The following ZNF705G variants were observed in gnomAD, a reference collection of about 807,000 sequenced individuals.
ZNF705G encodes the protein zinc finger protein 705G.
A neutral mutation model predicts 19.6 loss-of-function variants in ZNF705G; 23 were observed. The observed-to-expected ratio is 1.17, with a 90% CI of 0.84 to 1.66. The LOEUF is 1.66. Among genes scored for constraint, ZNF705G ranks in the 40% most tolerant of loss-of-function variants. ZNF705G has a pLI of 0.00. For synonymous variants in ZNF705G, 146 were observed against 117.7 expected (o/e 1.24, Z -1.56); for missense variants, 457 against 354.4 (o/e 1.29, Z -2.32).
chr8:7,384,229 A>G (rs1215738415), intron 1 of ZNF705G, among the ~76,000 whole-genome samples: 1 of 141,222 alleles, frequency 7.1e-6, no homozygotes, highest in Non-Finnish European at 1.5e-5. Context: ...TCAACCTTTC[A>G]AAGCTCCAGT....
intron 4 of ZNF705G, among the ~76,000 whole-genome samples, chr8:7,360,591 A>T (rs1399941216): frequency 6.7e-6 from 1 of 149,480 alleles, no homozygotes; most frequent in African/African-American, 2.6e-5. Context: ...CCTAAGTTCC[A>T]AGACGCAATG....
intron 1 of ZNF705G, among the ~76,000 whole-genome samples, chr8:7,382,746 T>G (rs1432518544): frequency 6.8e-6 from 1 of 146,778 alleles, no homozygotes; most frequent in African/African-American, 2.8e-5. Context: ...TTTCAAGATC[T>G]GAAAGTGCTA....
At chr8:7,381,026 C>CAACAAAAAAAA (rs1807473032) in intron 2 of ZNF705G, among the ~76,000 whole-genome samples, 1 of 12,318 alleles carries the variant, frequency 8.1e-5, no homozygotes, top group Non-Finnish European at 1.2e-4. Context: ...AAACCACCAC[C>CAACAAAAAAAA]AAAAAAAAAA....
chr8:7,362,428 G>A (rs1212891739), intron 3 of ZNF705G, among the ~76,000 whole-genome samples: 2 of 149,378 alleles, frequency 1.3e-5, no homozygotes, highest in Non-Finnish European at 2.9e-5. Context: ...CTATCACACT[G>A]GATTTATTGA....
intron 2 of ZNF705G, among the ~76,000 whole-genome samples, chr8:7,366,796 G>C (rs1198859830): frequency 2.0e-5 from 3 of 149,486 alleles, no homozygotes; most frequent in African/African-American, 5.1e-5. Flanking sequence ...CACACAAATA[G>C]AATTTAAAAA....
Position 7,360,244 on chromosome 8 carries a change from C to T in ZNF705G, c.228G>A (p.Gln76=). ...CAGGACCCTGTTGCTTACTTGGATT[C>T]TGGTCTTGAAGAAATACTCTTCCTT... ...WREGRVFLQD[Q]NPNRESALKK... Residue 76 remains glutamine (Q), a synonymous_variant, in exon 5 of 7, where the codon CAG becomes CAA. Transcript: ENST00000400156. The T allele has an allele frequency of 6.3e-7, 1 of 1,592,312 alleles. No homozygotes were observed. The highest frequency in any genetic ancestry group is 8.5e-7 in the Non-Finnish European group (1 of 1,179,152).
At position 7,357,674 on chromosome 8, in the gene ZNF705G, T is replaced by C. The variant is rs1026617081; in HGVS notation, c.*302A>G. On this transcript the variant is annotated 3_prime_UTR_variant, in exon 7 of 7. Coordinates refer to ENST00000400156, the MANE Select transcript of ZNF705G (RefSeq NM_001164457.3). ...ACAATTTCTCTTCCATATGAATTTATTGATGTGGACTGAAGAATAAAGGTA... is the reference window on the plus strand; with the variant it reads ...ACAATTTCTCTTCCATATGAATTTACTGATGTGGACTGAAGAATAAAGGTA... 7.9e-6 allele frequency: 4 copies of C among 508,686 alleles called. No homozygotes were observed. Among genetic ancestry groups the C allele is most frequent in the East Asian group, 7.5e-5 (2 of 26,714 alleles). The allele number at this position is 508,686 out of a possible 1,614,324, so 31.5% of individuals were successfully genotyped here.
intron 1 of ZNF705G, among the ~76,000 whole-genome samples, chr8:7,383,989 G>A (rs1459980365): frequency 7.1e-6 from 1 of 139,898 alleles, no homozygotes; most frequent in Non-Finnish European, 1.5e-5. Flanking sequence ...CTCTAACAGT[G>A]GTCACCCTAC....
rs1460143781 is a variant in ZNF705G at position 7,356,375 on chromosome 8, G to A, written c.*1601C>T. The A allele has an allele frequency of 2.0e-5, 3 of 149,862 alleles. No individual in the cohort carries two copies. Among genetic ancestry groups the A allele is most frequent in the African/African-American group, 5.1e-5 (2 of 38,950 alleles). The allele number at this position is 149,862 out of a possible 1,614,324, so 9.3% of individuals were successfully genotyped here. A position where few individuals can be genotyped will look rare whatever the true frequency, so the allele number is the denominator to read the frequency against. On this transcript the variant is annotated 3_prime_UTR_variant, in exon 7 of 7. Transcript: ENST00000400156. ...ATGAACTGCTACTTCCAGTTAGAGAGGCTCCAGGGACAAAATTTCAAGAGT... is the reference window on the plus strand; with the variant it reads ...ATGAACTGCTACTTCCAGTTAGAGAAGCTCCAGGGACAAAATTTCAAGAGT...
chr8:7,370,416 G>C (rs1481018809), intron 2 of ZNF705G, among the ~76,000 whole-genome samples: 3 of 149,732 alleles, frequency 2.0e-5, no homozygotes. Context: ...TCACCTGATA[G>C]AATAGCTATT....
intron 2 of ZNF705G, among the ~76,000 whole-genome samples, chr8:7,375,409 T>C (rs1368842343): frequency 1.1e-5 from 1 of 92,090 alleles, no homozygotes; most frequent in Non-Finnish European, 2.1e-5. Context: ...GTACTACATT[T>C]TCTTTATTCA....
At chr8:7,361,360 A>T in intron 3 of ZNF705G, 124 bp from the exon 4 acceptor site, 1 of 1,537,316 alleles carries the variant, frequency 6.5e-7, no homozygotes, top group Middle Eastern at 2.4e-4. Context: ...GGTTCCAGCC[A>T]GTTCATTCTC....
intron 2 of ZNF705G, among the ~76,000 whole-genome samples, chr8:7,379,073 G>C (rs1185142476): frequency 6.6e-5 from 10 of 150,764 alleles, no homozygotes; most frequent in African/African-American, 2.2e-4. Context: ...GTGTAAAGTA[G>C]TGGGGGGCCT....
Position 7,357,658 on chromosome 8 carries a change from C to T in ZNF705G, c.*318G>A, listed in dbSNP as rs1806335229. ...GGTACATACATGTCATACAATTTCT[C>T]TTCCATATGAATTTATTGATGTGGA... On this transcript the variant is annotated 3_prime_UTR_variant, in exon 7 of 7. Coordinates refer to ENST00000400156, the MANE Select transcript of ZNF705G (RefSeq NM_001164457.3). 4.2e-6 allele frequency: 2 copies of T among 479,934 alleles called. No individual in the cohort carries two copies. Among genetic ancestry groups the T allele is most frequent in the East Asian group, 8.4e-5 (2 of 23,820 alleles). The allele number at this position is 479,934 out of a possible 1,614,324, so 29.7% of individuals were successfully genotyped here. A position where few individuals can be genotyped will look rare whatever the true frequency, so the allele number is the denominator to read the frequency against.
rs757817572 is a variant in ZNF705G, at chr8:7,358,396, T to C, written c.483A>G (p.Pro161=). The C allele has an allele frequency of 2.5e-6, 4 of 1,607,690 alleles. No individual in the cohort carries two copies. The East Asian group carries it at 6.7e-5, about 27-fold the overall frequency. ...KSLRNLLSTE[P]HKQIHTKGKS... ...TACCTTTAGTATGAATTTGTTTATG[T>C]GGTTCAGTGGACAAAAGATTACGAA... is the stretch of plus-strand genomic sequence containing the variant. The change falls in exon 7 of 7, where the codon CCA becomes CCG. Residue 161 remains proline (P), a synonymous_variant. Coordinates refer to ENST00000400156, the MANE Select transcript of ZNF705G (RefSeq NM_001164457.3).
chr8:7,356,189 A>G lies in ZNF705G; in HGVS notation c.*1787T>C. On this transcript the variant is annotated 3_prime_UTR_variant, in exon 7 of 7. Transcript: ENST00000400156. ...TTTCATTTTGCTTCAGGAAAAGTACATTGAATCAAATATAGGAAAGGCTTG... is the reference window on the plus strand; with the variant it reads ...TTTCATTTTGCTTCAGGAAAAGTACGTTGAATCAAATATAGGAAAGGCTTG... The G allele has an allele frequency of 6.7e-6, 1 of 149,540 alleles. No individual in the cohort carries two copies. The highest frequency in any genetic ancestry group is 1.5e-5 in the Non-Finnish European group (1 of 68,080). The allele number at this position is 149,540 out of a possible 1,614,324, so 9.3% of individuals were successfully genotyped here.
chr8:7,381,798 AC>A, intron 1 of ZNF705G, among the ~76,000 whole-genome samples, 197 bp from the exon 2 acceptor site: 1 of 149,478 alleles, frequency 6.7e-6, no homozygotes, highest in Non-Finnish European at 1.5e-5. Flanking sequence ...TATGTTCAGT[AC>A]CAGGGTAATG....
At chr8:7,360,130 T>C (rs1806505545) in intron 5 of ZNF705G, 107 bp downstream of exon 5, 30 of 1,308,758 alleles carry the variant, frequency 2.3e-5, no homozygotes, top group Admixed American at 4.0e-5. Context: ...CTAACCTACA[T>C]TTTAGAAATT....
At chr8:7,364,016 G>T (rs760559699) in intron 2 of ZNF705G, among the ~76,000 whole-genome samples, 1 of 149,388 alleles carries the variant, frequency 6.7e-6, no homozygotes, top group Non-Finnish European at 1.5e-5. Context: ...AATACAAAAT[G>T]ACTTAGGAGA....
Sources: allele counts gnomAD v4.1 joint callset (sites outside exome capture counted in the v4.1 genomes callset), GRCh38; gene constraint gnomAD v4.1.1; transcripts MANE v1.5; gene names NCBI Gene and HGNC (gene_info 2026-07-23, HGNC 2026-07-21).